Variants in SMC4 observed in about 807,000 individuals in gnomAD.
SMC4 encodes structural maintenance of chromosomes protein 4.
In SMC4, 87 loss-of-function variants were observed where a neutral mutation model predicts 145.6. The ratio of observed to expected loss-of-function variants is 0.60; its 90% confidence interval spans 0.50 to 0.71. The LOEUF (loss-of-function observed/expected upper bound fraction) is 0.71, where lower values mean the gene tolerates loss of function less well. Ranked by LOEUF, SMC4 falls within the 30% of genes least tolerant of loss-of-function variation. The probability of loss-of-function intolerance (pLI) is 0.00; values close to 1 mark genes in which losing one functional copy is unlikely to be tolerated. For synonymous variants in SMC4, 558 were observed against 500.7 expected (o/e 1.11, Z -1.53); for missense variants, 1,447 against 1,537.1 (o/e 0.94, Z 0.98).
rs561872588 is a variant in SMC4, at chr3:160,403,267, ACT to A, written c.510+403_510+404del. Among the ~76,000 whole-genome samples, 41 of 152,188 alleles carry A rather than the reference ACT, an allele frequency of 2.7e-4. No individual in the cohort carries two copies. The South Asian group carries it at 5.0e-3, about 18-fold the overall frequency. On this transcript the variant is annotated intron_variant, in intron 4 of 23. Transcript: ENST00000357388. ...ATCTTCATTATTTCAGTGCATTTTA[ACT>A]CTAATGTTAGTGGCCCCTGAGTATC...
At chr3:160,413,928 T>G (rs1010442829) in intron 8 of SMC4, 1 of 304,332 alleles carries the variant, frequency 3.3e-6, no homozygotes, top group African/African-American at 2.3e-5. Context: ...GGATTTGGGT[T>G]TTTCTAGATA....
At chr3:160,414,578 G>A (rs1232471417) in intron 9 of SMC4, 61 bp downstream of exon 9, 1 of 1,454,900 alleles carries the variant, frequency 6.9e-7, no homozygotes, top group African/African-American at 1.4e-5. Context: ...AGTTTTCATG[G>A]ATGTGTTTGC....
chr3:160,425,022 ATGTGTGTGTGTGTGTG>A lies in SMC4; in HGVS notation c.2478+19_2478+34del, dbSNP rs66870368. On this transcript the variant is annotated splice_donor_5th_base_variant and intron_variant, in intron 16 of 23. Coordinates refer to ENST00000357388, the MANE Select transcript of SMC4 (RefSeq NM_001002800.3). ...AAAAATTTACTGCAAGCATCCAGGT[ATGTGTGTGTGTGTGTG>A]TGTGTGTGTGTGTGTACTGAAACTA... is the stretch of plus-strand genomic sequence containing the variant. 5.4e-6 allele frequency: 8 copies of A among 1,468,122 alleles called. No homozygotes were observed. The highest frequency in any genetic ancestry group is 7.3e-6 in the Non-Finnish European group (8 of 1,090,112). The allele number at this position is 1,468,122 out of a possible 1,614,324, so 90.9% of individuals were successfully genotyped here.
chr3:160,422,012 G>C (rs1249859109), intron 13 of SMC4, among the ~76,000 whole-genome samples: 1 of 152,082 alleles, frequency 6.6e-6, no homozygotes, highest in African/African-American at 2.4e-5. Flanking sequence ...CAGGTTTTCA[G>C]GTTCATCTAT....
rs1461360758 is a variant in SMC4, at chr3:160,400,943, G to A, written c.117G>A (p.Thr39=). 1.0e-5 allele frequency: 15 copies of A among 1,455,748 alleles called. No individual in the cohort carries two copies. Among genetic ancestry groups the A allele is most frequent in the Non-Finnish European group, 1.3e-5 (14 of 1,114,510 alleles). The allele number at this position is 1,455,748 out of a possible 1,614,324, so 90.2% of individuals were successfully genotyped here. The change falls in exon 2 of 24, where the codon ACG becomes ACA. Residue 39 remains threonine (T), a synonymous_variant. Transcript: ENST00000357388. ...AGCCTGAGCCGCCGTCCGGCCGCACGGAGAGCCCAGCCACCGCCGCAGGTG... is the reference window on the plus strand; with the variant it reads ...AGCCTGAGCCGCCGTCCGGCCGCACAGAGAGCCCAGCCACCGCCGCAGGTG... ...DAEPEPPSGR[T]ESPATAAETA...
chr3:160,431,433 C>G lies in SMC4; in HGVS notation c.3115-210C>G, dbSNP rs571798443. On this transcript the variant is annotated intron_variant, in intron 20 of 23. Coordinates refer to ENST00000357388, the MANE Select transcript of SMC4 (RefSeq NM_001002800.3). ...AGAATTAGACAACTACCCTTTCACC[C>G]TAGGGCTGATCTGGACATTTAAGAA... 7.9e-4 allele frequency among the ~76,000 whole-genome samples: 121 copies of G among 152,260 alleles called. No individual in the cohort carries two copies. In the South Asian group the frequency reaches 0.015, roughly 19 times the overall value.
At chr3:160,403,210 A>G (rs1308122915) in intron 4 of SMC4, among the ~76,000 whole-genome samples, 1 of 152,138 alleles carries the variant, frequency 6.6e-6, no homozygotes, top group African/African-American at 2.4e-5. Flanking sequence ...AATTAGCTAA[A>G]CTTGAAAATG....
At chr3:160,416,661 T>G (rs1716627708) in intron 10 of SMC4, 1 of 238,538 alleles carries the variant, frequency 4.2e-6, no homozygotes, top group East Asian at 7.4e-5. Context: ...ATACAGTACC[T>G]TGATTATTAT....
At chr3:160,417,497 C>T (rs114415509) in intron 10 of SMC4, 86 of 514,806 alleles carry the variant, frequency 1.7e-4, no homozygotes, top group African/African-American at 1.5e-3. Context: ...GCGTAATGAT[C>T]GATCTCACAA....
Position 160,416,386 on chromosome 3 carries a change from G to C in SMC4, c.1408G>C (p.Glu470Gln). 1.3e-6 allele frequency: 2 copies of C among 1,512,250 alleles called. No individual in the cohort carries two copies. The highest frequency in any genetic ancestry group is 1.8e-6 in the Non-Finnish European group (2 of 1,132,384). 93.7% of individuals were successfully genotyped at this position (1,512,250 alleles called of 1,614,324 possible). A position where few individuals can be genotyped will look rare whatever the true frequency, so the allele number is the denominator to read the frequency against. The change falls in exon 10 of 24, where the codon GAA (glutamate) becomes CAA (glutamine). Residue 470 changes from glutamate (E) to glutamine (Q), a missense_variant. Transcript: ENST00000357388. ...GGAAGTTATGGATAGCCTTAAACAGGAAACACAAGGGCTTCAGAAAGAAAA... is the reference window on the plus strand; with the variant it reads ...GGAAGTTATGGATAGCCTTAAACAGCAAACACAAGGGCTTCAGAAAGAAAA... ...LKEVMDSLKQ[E>Q]TQGLQKEKES...
chr3:160,425,149 A>G (rs2108493890), intron 16 of SMC4, 130 bp downstream of exon 16: 1 of 1,322,548 alleles, frequency 7.6e-7, no homozygotes, highest in South Asian at 1.6e-5. Context: ...ATCTATAGGC[A>G]GATATAACTC....
At chr3:160,433,505 ACACT>A in intron 23 of SMC4, 148 bp from the exon 24 acceptor site, 1 of 562,100 alleles carries the variant, frequency 1.8e-6, no homozygotes, top group East Asian at 3.1e-5. Flanking sequence ...AATTCCTTTC[ACACT>A]CAAATACTGT....
rs143267611 is a variant in SMC4, at chr3:160,413,995, ATC to A, written c.1122-368_1122-367del. On this transcript the variant is annotated intron_variant, in intron 8 of 23. Coordinates refer to ENST00000357388, the MANE Select transcript of SMC4 (RefSeq NM_001002800.3). ...GATGCCATTTTTCAATGACACTAGTATCTCTAATTATTTTTAAATAAAAAAAT... is the reference window on the plus strand; with the variant it reads ...GATGCCATTTTTCAATGACACTAGTATCTAATTATTTTTAAATAAAAAAAT... 2.8e-3 allele frequency: 917 copies of A among 330,652 alleles called. 8 individuals carry two copies. Among genetic ancestry groups the A allele is most frequent in the African/African-American group, 0.02 (869 of 44,366 alleles). 20.5% of individuals were successfully genotyped at this position (330,652 alleles called of 1,614,324 possible). A position where few individuals can be genotyped will look rare whatever the true frequency, so the allele number is the denominator to read the frequency against.
At chr3:160,403,759 A>G (rs1039168280) in intron 4 of SMC4, among the ~76,000 whole-genome samples, 6 of 152,114 alleles carry the variant, frequency 3.9e-5, no homozygotes, top group Non-Finnish European at 7.4e-5. Flanking sequence ...TTTAAGGTTA[A>G]GGGAAAGTGT....
chr3:160,417,309 T>C (rs1404683025), intron 10 of SMC4, among the ~76,000 whole-genome samples: 2 of 152,188 alleles, frequency 1.3e-5, no homozygotes, highest in African/African-American at 4.8e-5. Flanking sequence ...TTATAAAACT[T>C]TACAGGTTAG....
rs1417421514 is a variant in SMC4 at position 160,409,402 on chromosome 3, CATTTT to C, written c.688-2513_688-2509del. Among the ~76,000 whole-genome samples, 8 of 150,002 alleles carry C rather than the reference CATTTT, an allele frequency of 5.3e-5. No homozygotes were observed. The East Asian group carries it at 1.6e-3, about 30-fold the overall frequency. ...TAGAGGAAATCATAGCTGTATCTTTCATTTTATTTGGAGAGAGAGGAACAAACAAC... is the reference window on the plus strand; with the variant it reads ...TAGAGGAAATCATAGCTGTATCTTTCATTTGGAGAGAGAGGAACAAACAAC... On this transcript the variant is annotated intron_variant, in intron 5 of 23. Transcript: ENST00000357388.
At chr3:160,411,560 C>A (rs1715992331) in intron 5 of SMC4, among the ~76,000 whole-genome samples, 1 of 152,042 alleles carries the variant, frequency 6.6e-6, no homozygotes, top group African/African-American at 2.4e-5. Flanking sequence ...AATCAGATTG[C>A]AGATTAAGTG....
intron 7 of SMC4, 149 bp downstream of exon 7, chr3:160,412,602 C>A (rs1166878637): frequency 2.3e-6 from 3 of 1,282,622 alleles, no homozygotes; most frequent in Non-Finnish European, 1.0e-6. Context: ...TAGCTCATGC[C>A]TGTAATTCCA....
In SMC4 at chr3:160,417,806, T is replaced by C. The variant is rs1302655647; in HGVS notation, c.1521T>C (p.Asp507=). The C allele has an allele frequency of 1.9e-6, 3 of 1,613,618 alleles. No homozygotes were observed. The African/African-American group carries it at 4.0e-5, about 22-fold the overall frequency. ...SKMDVAQSEL[D]IYLSRHNTAV... ...TGGATGTAGCCCAGTCAGAACTTGA[T>C]ATCTATCTCAGTCGTCATAATACTG... is the stretch of plus-strand genomic sequence containing the variant. The change falls in exon 11 of 24, where the codon GAT becomes GAC. Residue 507 remains aspartate, a synonymous_variant. Transcript: ENST00000357388.
Sources: allele counts gnomAD v4.1 joint callset (sites outside exome capture counted in the v4.1 genomes callset), GRCh38; gene constraint gnomAD v4.1.1; transcripts MANE v1.5; gene names NCBI Gene and HGNC (gene_info 2026-07-23, HGNC 2026-07-21).